PAK1: variants seen among roughly 807,000 people sequenced by gnomAD.
PAK1 encodes p21 (RAC1) activated kinase 1.
A neutral mutation model predicts 67.4 loss-of-function variants in PAK1; 29 were observed. That is an observed-to-expected ratio of 0.43 (90% confidence interval 0.32 to 0.59). The LOEUF (loss-of-function observed/expected upper bound fraction) is 0.59. Ranked by LOEUF, PAK1 falls within the 20% of genes least tolerant of loss-of-function variation. The pLI, the probability that PAK1 is intolerant of heterozygous loss-of-function variation, is 0.07. For synonymous variants in PAK1, 223 were observed against 237.4 expected, an observed-to-expected ratio of 0.94 and a Z score of 0.56; for missense variants, 337 against 670.7, an observed-to-expected ratio of 0.50 and a Z score of 5.50.
chr11:77,407,574 G>A (rs192844228), intron 1 of PAK1, among the ~76,000 whole-genome samples: 2 of 152,236 alleles, frequency 1.3e-5, no homozygotes, highest in South Asian at 2.1e-4. Flanking sequence ...TATCTATATA[G>A]CACTTTACAA....
chr11:77,372,544 G>A (rs1948581054), intron 5 of PAK1, among the ~76,000 whole-genome samples: 1 of 152,188 alleles, frequency 6.6e-6, no homozygotes, highest in African/African-American at 2.4e-5. Context: ...CCCACTGGTG[G>A]AAGCATGGTT....
intron 4 of PAK1, among the ~76,000 whole-genome samples, chr11:77,377,542 A>G (rs769359288): frequency 1.3e-5 from 2 of 152,238 alleles, no homozygotes; most frequent in Non-Finnish European, 2.9e-5. Context: ...ATGAATGAAC[A>G]TACACATAAT....
At chr11:77,351,314 A>AC (rs1401111454) in intron 8 of PAK1, among the ~76,000 whole-genome samples, 5 of 152,106 alleles carry the variant, frequency 3.3e-5, no homozygotes, top group Admixed American at 1.3e-4. Context: ...AACTAAAAAA[A>AC]AAAAAAAAGT....
the PAK1 span, among the ~76,000 whole-genome samples, chr11:77,519,203 C>T: frequency 1.3e-5 from 2 of 152,120 alleles, no homozygotes; most frequent in Admixed American, 6.5e-5. Context: ...CGTTACATTG[C>T]ATTTGAAGGT....
chr11:77,404,516 C>T (rs2137806606), intron 1 of PAK1, among the ~76,000 whole-genome samples: 1 of 152,276 alleles, frequency 6.6e-6, no homozygotes, highest in Admixed American at 6.5e-5. Flanking sequence ...ATCCACCCAC[C>T]TCGGCCTCCC....
intron 1 of PAK1, among the ~76,000 whole-genome samples, chr11:77,419,102 T>C (rs992709940): frequency 6.6e-6 from 1 of 152,324 alleles, no homozygotes; most frequent in South Asian, 2.1e-4. Context: ...TGGGTGCTGC[T>C]ATAGGAAACT....
intron 1 of PAK1, among the ~76,000 whole-genome samples, chr11:77,402,951 C>A (rs555543453): frequency 1.3e-5 from 2 of 152,264 alleles, no homozygotes; most frequent in East Asian, 1.9e-4. Context: ...ATTCCCTCCC[C>A]CTATGGTGAC....
intron 1 of PAK1, among the ~76,000 whole-genome samples, chr11:77,396,494 C>T (rs1271094656): frequency 5.3e-5 from 8 of 152,186 alleles, no homozygotes; most frequent in Admixed American, 3.9e-4. Context: ...ATGTATTTCT[C>T]GATCTGCAAC....
At chr11:77,381,698 TAAA>T (rs1949859449) in intron 2 of PAK1, among the ~76,000 whole-genome samples, 2 of 152,226 alleles carry the variant, frequency 1.3e-5, no homozygotes, top group Non-Finnish European at 2.9e-5. Context: ...TCCTATGAGA[TAAA>T]TACTACTACT....
Position 77,355,642 on chromosome 11 carries a change from G to T in PAK1, c.772+26C>A, listed in dbSNP as rs762060032. On this transcript the variant is annotated intron_variant, in intron 7 of 14. Transcript: ENST00000356341. Reference sequence around the variant, plus strand: ...CTTGACCAGTCATAAAACGAAGAAAGGTTCAGAAAGCTACAAATTCCTTAC... The same window carrying T: ...CTTGACCAGTCATAAAACGAAGAAATGTTCAGAAAGCTACAAATTCCTTAC... The T allele has an allele frequency of 6.3e-6, 10 of 1,593,072 alleles. No individual in the cohort carries two copies. The South Asian group carries it at 1.1e-4, about 18-fold the overall frequency.
At chr11:77,418,085 A>C (rs776601712) in intron 1 of PAK1, among the ~76,000 whole-genome samples, 13 of 152,134 alleles carry the variant, frequency 8.5e-5, no homozygotes, top group Non-Finnish European at 1.9e-4. Context: ...AACTGCTCTA[A>C]AAAATAAAAT....
At chr11:77,414,281 C>A (rs184001179) in intron 1 of PAK1, among the ~76,000 whole-genome samples, 11 of 152,318 alleles carry the variant, frequency 7.2e-5, no homozygotes, top group Non-Finnish European at 1.5e-4. Context: ...TGGGGATAGA[C>A]ACATCAGTGA....
Position 77,440,741 on chromosome 11 carries a change from T to C in PAK1, c.-22+32811A>G, listed in dbSNP as rs144590209. Among the ~76,000 whole-genome samples, 3 of 152,292 alleles carry C rather than the reference T, an allele frequency of 2.0e-5. No individual in the cohort carries two copies. The East Asian group carries it at 5.8e-4, about 29-fold the overall frequency. On this transcript the variant is annotated intron_variant, in intron 1 of 14. Transcript: ENST00000356341. Reference sequence around the variant, plus strand: ...TCAATCAGCTAGTAAAGACCTGCTGTATACAGCAAGGGAAATAACAATATG... The same window carrying C: ...TCAATCAGCTAGTAAAGACCTGCTGCATACAGCAAGGGAAATAACAATATG...
chr11:77,414,107 A>G (rs1954818824), intron 1 of PAK1, among the ~76,000 whole-genome samples: 1 of 152,182 alleles, frequency 6.6e-6, no homozygotes, highest in South Asian at 2.1e-4. Flanking sequence ...CTGCTCCAGG[A>G]GCAACGTCCT....
At chr11:77,437,851 C>T (rs1429449666) in intron 1 of PAK1, among the ~76,000 whole-genome samples, 2 of 152,146 alleles carry the variant, frequency 1.3e-5, no homozygotes, top group Admixed American at 1.3e-4. Flanking sequence ...TTCGATATCT[C>T]CAAGACTTAG....
chr11:77,362,969 A>G (rs946313099), intron 5 of PAK1, among the ~76,000 whole-genome samples: 15 of 152,140 alleles, frequency 9.9e-5, no homozygotes, highest in Non-Finnish European at 7.4e-5. Flanking sequence ...TTTTTTTCAT[A>G]TCCTATAAAA....
At chr11:77,371,168 C>T (rs1394167651) in intron 5 of PAK1, among the ~76,000 whole-genome samples, 1 of 152,162 alleles carries the variant, frequency 6.6e-6, no homozygotes, top group African/African-American at 2.4e-5. Context: ...CATTAAAATG[C>T]CATGGAATCT....
chr11:77,373,852 G>C (rs1164705896), intron 5 of PAK1, among the ~76,000 whole-genome samples: 1 of 152,094 alleles, frequency 6.6e-6, no homozygotes, highest in East Asian at 1.9e-4. Flanking sequence ...TACTAATCTT[G>C]GTTTTGCAGA....
At chr11:77,347,274 G>C (rs1217987264) in intron 9 of PAK1, among the ~76,000 whole-genome samples, 1 of 152,180 alleles carries the variant, frequency 6.6e-6, no homozygotes, top group Non-Finnish European at 1.5e-5. Context: ...CTCCCATCAA[G>C]GACTGTGAGG....
Sources: allele counts gnomAD v4.1 joint callset (sites outside exome capture counted in the v4.1 genomes callset), GRCh38; gene constraint gnomAD v4.1.1; transcripts MANE v1.5; gene names NCBI Gene and HGNC (gene_info 2026-07-23, HGNC 2026-07-21).